The following CA10 variants were observed in gnomAD, a reference collection of about 807,000 sequenced individuals.
CA10 encodes carbonic anhydrase-related protein 10.
CA10 carries 14 observed loss-of-function variants against 44.2 expected under a neutral mutation model. That is an observed-to-expected ratio of 0.32 (90% CI 0.21 to 0.50). The LOEUF is 0.50. Ranked by LOEUF, CA10 falls within the 20% of genes least tolerant of loss-of-function variation. The probability of loss-of-function intolerance (pLI) is 0.99; values close to 1 mark genes in which losing one functional copy is unlikely to be tolerated. For synonymous variants in CA10, 159 were observed against 141.6 expected (o/e 1.12, Z -0.87); for missense variants, 350 against 409.7 (o/e 0.85, Z 1.26).
At chr17:51,996,811 T>G (rs1985252831) in intron 2 of CA10, among the ~76,000 whole-genome samples, 1 of 151,988 alleles carries the variant, frequency 6.6e-6, no homozygotes, top group Middle Eastern at 3.4e-3. Context: ...GTACCCCAAA[T>G]GAGAGCAAAA....
chr17:51,661,028 G>A (rs1913988890), intron 4 of CA10, among the ~76,000 whole-genome samples: 1 of 151,988 alleles, frequency 6.6e-6, no homozygotes, highest in South Asian at 2.1e-4. Context: ...ACCTGTTGAG[G>A]GAGATCCCCA....
At chr17:51,822,072 A>G (rs190373407) in intron 3 of CA10, among the ~76,000 whole-genome samples, 1 of 152,212 alleles carries the variant, frequency 6.6e-6, no homozygotes, top group East Asian at 1.9e-4. Context: ...CTTTCTACAG[A>G]TATACACATA....
chr17:51,896,106 T>C (rs1981056784), intron 3 of CA10, among the ~76,000 whole-genome samples: 1 of 152,098 alleles, frequency 6.6e-6, no homozygotes, highest in South Asian at 2.1e-4. Flanking sequence ...GCTTTTATAT[T>C]GGGTTCAGGG....
intron 2 of CA10, among the ~76,000 whole-genome samples, chr17:52,031,976 C>T (rs530538206): frequency 6.6e-6 from 1 of 152,194 alleles, no homozygotes; most frequent in East Asian, 1.9e-4. Context: ...TGAAAAAATA[C>T]AAGAGCTGCC....
chr17:51,657,009 A>G (rs1913819586), intron 4 of CA10, among the ~76,000 whole-genome samples: 1 of 152,222 alleles, frequency 6.6e-6, no homozygotes, highest in Non-Finnish European at 1.5e-5. Context: ...GATAATCAGC[A>G]TGGACTGTAA....
At chr17:51,768,041 ATAC>A (rs1414965442) in intron 3 of CA10, among the ~76,000 whole-genome samples, 1 of 152,124 alleles carries the variant, frequency 6.6e-6, no homozygotes, top group African/African-American at 2.4e-5. Context: ...CCAAGCCGGG[ATAC>A]TACATTGCAT....
At chr17:51,891,554 G>A (rs920017467) in intron 3 of CA10, among the ~76,000 whole-genome samples, 1 of 152,222 alleles carries the variant, frequency 6.6e-6, no homozygotes, top group African/African-American at 2.4e-5. Flanking sequence ...CAAGATTGAT[G>A]TACAGGGTTT....
At position 51,777,796 on chromosome 17, in the gene CA10, G is replaced by A. The variant is rs191014227; in HGVS notation, c.280-29978C>T. Among the ~76,000 whole-genome samples, 192 of 152,280 alleles carry A rather than the reference G, an allele frequency of 1.3e-3. No homozygotes were observed. In the Middle Eastern group the frequency reaches 0.014, roughly 11 times the overall value. On this transcript the variant is annotated intron_variant, in intron 3 of 8. Coordinates refer to ENST00000451037, the MANE Select transcript of CA10 (RefSeq NM_020178.5). Reference sequence around the variant, plus strand: ...AAGCAAAAATATTTAGCCAGGCGTGGTGGTATGTACCTGTGGTCCCTGCTA... The same window carrying A: ...AAGCAAAAATATTTAGCCAGGCGTGATGGTATGTACCTGTGGTCCCTGCTA...
At position 52,008,031 on chromosome 17, in the gene CA10, G is replaced by C. The variant is rs77480232; in HGVS notation, c.136+64288C>G. ...GTTTTATCTTTCCACTGTATCTACA[G>C]TTGCATTATTTTTTCATTACTCATT... On this transcript the variant is annotated intron_variant, in intron 2 of 8. Coordinates refer to ENST00000451037, the MANE Select transcript of CA10 (RefSeq NM_020178.5). Among the ~76,000 whole-genome samples the C allele has an allele frequency of 8.5e-3, 1,293 of 151,646 alleles. 16 individuals carry two copies. The highest frequency in any genetic ancestry group is 0.027 in the African/African-American group (1,133 of 41,478).
At chr17:52,060,571 A>T (rs1056800811) in intron 2 of CA10, among the ~76,000 whole-genome samples, 89 of 152,272 alleles carry the variant, frequency 5.8e-4, no homozygotes, top group African/African-American at 2.0e-3. Context: ...AAAATAAAAA[A>T]ATTATTTTGA....
chr17:52,074,679 C>T (rs1313756933), intron 1 of CA10, among the ~76,000 whole-genome samples: 2 of 151,988 alleles, frequency 1.3e-5, no homozygotes, highest in Non-Finnish European at 2.9e-5. Flanking sequence ...TTACACATCA[C>T]TTTAAAAATT....
In CA10 at chr17:51,747,671, AC is replaced by A; in HGVS notation, c.426del (p.Ser143ArgfsTer39). ...RLHFGSEDSQ[G>X]SEHLLNGQAF... ...GCCTGTCCATTGAGGAGGTGCTCCG[AC>A]CCTTGGCTGTCCTCACTCCCAAAGT... is the stretch of plus-strand genomic sequence containing the variant. On this transcript the variant is annotated frameshift_variant, in exon 4 of 9. Transcript: ENST00000451037. LOFTEE classifies it high-confidence loss of function. The A allele has an allele frequency of 6.2e-7, 1 of 1,613,970 alleles. No homozygotes were observed. The highest frequency in any genetic ancestry group is 8.5e-7 in the Non-Finnish European group (1 of 1,179,952).
At chr17:51,872,125 G>A (rs1268869481) in intron 3 of CA10, among the ~76,000 whole-genome samples, 2 of 152,200 alleles carry the variant, frequency 1.3e-5, no homozygotes, top group African/African-American at 4.8e-5. Flanking sequence ...CAGAAAGGCA[G>A]TGGCTACACT....
chr17:52,060,396 G>A (rs868020560), intron 2 of CA10, among the ~76,000 whole-genome samples: 7 of 151,924 alleles, frequency 4.6e-5, no homozygotes, highest in South Asian at 2.1e-4. Context: ...GGAAAAACTC[G>A]GATATTAAAA....
intron 1 of CA10, among the ~76,000 whole-genome samples, chr17:52,098,542 T>G (rs771329999): frequency 6.6e-6 from 1 of 152,160 alleles, no homozygotes; most frequent in Admixed American, 6.5e-5. Context: ...ACTACAGACA[T>G]GTACTGACCT....
At chr17:52,067,205 G>A (rs1484741704) in intron 2 of CA10, among the ~76,000 whole-genome samples, 1 of 152,228 alleles carries the variant, frequency 6.6e-6, no homozygotes, top group Non-Finnish European at 1.5e-5. Context: ...TTCCTGGGCT[G>A]GGCCCAAGGC....
chr17:51,633,628 C>T lies in CA10; in HGVS notation c.812G>A (p.Ser271Asn). Residue 271 changes from serine (S) to asparagine (N), a missense_variant, in exon 8 of 9, where the codon AGC becomes AAC. By Grantham distance (46) the Ser-to-Asn change is conservative. Coordinates refer to ENST00000451037, the MANE Select transcript of CA10 (RefSeq NM_020178.5). Reference sequence around the variant, plus strand: ...AAAGATCTGAGATGGCTGGTTCTGGCTGAGCAGGCGCAAGGAATGCATCTG... The same window carrying T: ...AAAGATCTGAGATGGCTGGTTCTGGTTGAGCAGGCGCAAGGAATGCATCTG... ...RMQMHSLRLL[S>N]QNQPSQIFLS... 2 of 1,613,758 alleles carry T rather than the reference C, an allele frequency of 1.2e-6. No individual in the cohort carries two copies. The highest frequency in any genetic ancestry group is 1.7e-6 in the Non-Finnish European group (2 of 1,179,834).
intron 2 of CA10, among the ~76,000 whole-genome samples, chr17:52,000,095 A>G (rs964881310): frequency 2.0e-5 from 3 of 152,064 alleles, no homozygotes; most frequent in Non-Finnish European, 1.5e-5. Flanking sequence ...CAAAATAGGC[A>G]ATTTGCATTT....
chr17:51,659,990 A>G (rs1332189017), intron 4 of CA10, among the ~76,000 whole-genome samples: 1 of 152,214 alleles, frequency 6.6e-6, no homozygotes, highest in Non-Finnish European at 1.5e-5. Context: ...ATGAATACCA[A>G]TTCTGCATCT....
Sources: gnomAD v4.1 joint callset for allele counts (sites outside exome capture counted in the v4.1 genomes callset) on GRCh38, gnomAD v4.1.1 for gene constraint, MANE v1.5 for transcripts, NCBI Gene and HGNC (gene_info 2026-07-23, HGNC 2026-07-21) for gene names.